The following BRAF variants were observed in gnomAD, a reference collection of about 807,000 sequenced individuals.
The protein encoded by BRAF is serine/threonine-protein kinase B-raf.
In BRAF, 16 loss-of-function variants were observed where a neutral mutation model predicts 104.6. That is an observed-to-expected ratio of 0.15 (90% CI 0.10 to 0.23). The LOEUF is 0.23. BRAF is among the 10% of genes least tolerant of loss of function. The pLI, the probability that BRAF is intolerant of heterozygous loss-of-function variation, is 1.00. For missense variants in BRAF, 541 were observed against 937.3 expected (o/e 0.58, Z 5.52); for synonymous variants, 310 against 341.6 (o/e 0.91, Z 1.02).
chr7:140,719,840 T>G lies in BRAF; in HGVS notation c.*6654A>C. ...GCACGCCCCAGACTCCACGAGAACCTTTTCAATGCTTGAGTGGAACTGAAG... is the reference window on the plus strand; with the variant it reads ...GCACGCCCCAGACTCCACGAGAACCGTTTCAATGCTTGAGTGGAACTGAAG... On this transcript the variant is annotated 3_prime_UTR_variant, in exon 20 of 20. Transcript: ENST00000644969. 1 of 1,062,270 alleles carries G rather than the reference T, an allele frequency of 9.4e-7. No individual in the cohort carries two copies. The highest frequency in any genetic ancestry group is 1.1e-6 in the Non-Finnish European group (1 of 877,368). The allele number at this position is 1,062,270 out of a possible 1,614,324, so 65.8% of individuals were successfully genotyped here. A position where few individuals can be genotyped will look rare whatever the true frequency, so the allele number is the denominator to read the frequency against.
chr7:140,862,675 C>T (rs550303583), intron 1 of BRAF, among the ~76,000 whole-genome samples: 255 of 152,026 alleles, frequency 1.7e-3, no homozygotes, highest in Non-Finnish European at 3.1e-3. Flanking sequence ...ACAATGAAGA[C>T]GGAAAGTAGA....
rs530031713 is a variant in BRAF at position 140,723,820 on chromosome 7, A to G, written c.*2674T>C. On this transcript the variant is annotated 3_prime_UTR_variant, in exon 20 of 20. Coordinates refer to ENST00000644969, the MANE Select transcript of BRAF (RefSeq NM_001374258.1). ...CCACATACTGTCTATACAATTACTC[A>G]TAAAGTGCTTTTCACAAATAAGGAC... is the stretch of plus-strand genomic sequence containing the variant. 3.8e-6 allele frequency: 4 copies of G among 1,046,718 alleles called. No homozygotes were observed. In the East Asian group the frequency reaches 2.2e-4, roughly 59 times the overall value. 64.8% of individuals were successfully genotyped at this position (1,046,718 alleles called of 1,614,324 possible). A position where few individuals can be genotyped will look rare whatever the true frequency, so the allele number is the denominator to read the frequency against.
chr7:140,840,818 G>A (rs375566262), intron 2 of BRAF, among the ~76,000 whole-genome samples: 56 of 150,032 alleles, frequency 3.7e-4, no homozygotes, highest in African/African-American at 1.2e-3. Context: ...AGGCTCAAGC[G>A]ATCCTCCCAT....
intron 1 of BRAF, among the ~76,000 whole-genome samples, chr7:140,874,509 T>C (rs1586495018): frequency 7.0e-6 from 1 of 143,692 alleles, no homozygotes; most frequent in South Asian, 2.3e-4. Context: ...CTAAAAAAAG[T>C]TTACTTTTTA....
chr7:140,721,823 T>C lies in BRAF; in HGVS notation c.*4671A>G, dbSNP rs1341173241. ...CAATGGCCAGGTCATAAAGGATGCC[T>C]TGAGACCTCCACCCTGGCCCCCACA... On this transcript the variant is annotated 3_prime_UTR_variant, in exon 20 of 20. Coordinates refer to ENST00000644969, the MANE Select transcript of BRAF (RefSeq NM_001374258.1). 1 of 1,380,514 alleles carries C rather than the reference T, an allele frequency of 7.2e-7. No individual in the cohort carries two copies. The highest frequency in any genetic ancestry group is 3.1e-5 in the Admixed American group (1 of 32,122). 85.5% of individuals were successfully genotyped at this position (1,380,514 alleles called of 1,614,324 possible).
At chr7:140,839,853 C>T (rs1807745630) in intron 2 of BRAF, among the ~76,000 whole-genome samples, 1 of 152,226 alleles carries the variant, frequency 6.6e-6, no homozygotes, top group South Asian at 2.1e-4. Flanking sequence ...GTGGAACTCT[C>T]ACCCGTCAGG....
chr7:140,826,646 G>T (rs909084287), intron 3 of BRAF, among the ~76,000 whole-genome samples: 3 of 152,116 alleles, frequency 2.0e-5, no homozygotes, highest in Non-Finnish European at 2.9e-5. Flanking sequence ...AACTCTGAGC[G>T]ATATACTTCA....
intron 19 of BRAF, among the ~76,000 whole-genome samples, chr7:140,727,106 C>A (rs957312009): frequency 1.3e-5 from 2 of 151,880 alleles, no homozygotes; most frequent in African/African-American, 4.8e-5. Flanking sequence ...ATAAAGAATT[C>A]TTTAAACCAC....
At chr7:140,897,129 G>A (rs531988083) in intron 1 of BRAF, among the ~76,000 whole-genome samples, 3 of 150,800 alleles carry the variant, frequency 2.0e-5, no homozygotes, top group African/African-American at 4.9e-5. Context: ...TAATGGTCAC[G>A]TGGAAGAGTG....
intron 3 of BRAF, 110 bp downstream of exon 3, chr7:140,834,499 T>C: frequency 7.0e-7 from 1 of 1,438,342 alleles, no homozygotes; most frequent in South Asian, 1.2e-5. Flanking sequence ...CATGGATGCC[T>C]CTATTTGCAT....
In BRAF at chr7:140,828,609, G is replaced by A. The variant is rs566610478; in HGVS notation, c.504+6000C>T. 1.2e-4 allele frequency among the ~76,000 whole-genome samples: 18 copies of A among 152,244 alleles called. No homozygotes were observed. In the South Asian group the frequency reaches 1.2e-3, roughly 11 times the overall value. Reference sequence around the variant, plus strand: ...CTCTCAGAAAAACCTTCAAGTACAAGTCTTTTCACAGGCTGCATTGTACTA... The same window carrying A: ...CTCTCAGAAAAACCTTCAAGTACAAATCTTTTCACAGGCTGCATTGTACTA... On this transcript the variant is annotated intron_variant, in intron 3 of 19. Coordinates refer to ENST00000644969, the MANE Select transcript of BRAF (RefSeq NM_001374258.1).
chr7:140,773,597 A>C (rs1303754706), intron 14 of BRAF, among the ~76,000 whole-genome samples: 34 of 152,208 alleles, frequency 2.2e-4, no homozygotes, highest in Admixed American at 2.2e-3. Context: ...TCCCCTCTCT[A>C]GAGAAGAAAC....
At chr7:140,858,194 A>G (rs1422783972) in intron 1 of BRAF, among the ~76,000 whole-genome samples, 1 of 152,200 alleles carries the variant, frequency 6.6e-6, no homozygotes, top group African/African-American at 2.4e-5. Context: ...CATACCTTCA[A>G]GTGGCTTAGA....
At position 140,725,036 on chromosome 7, in the gene BRAF, G is replaced by A; in HGVS notation, c.*1458C>T. The A allele has an allele frequency of 9.6e-7, 1 of 1,047,080 alleles. No individual in the cohort carries two copies. The highest frequency in any genetic ancestry group is 1.2e-6 in the Non-Finnish European group (1 of 867,834). 64.9% of individuals were successfully genotyped at this position (1,047,080 alleles called of 1,614,324 possible). A position where few individuals can be genotyped will look rare whatever the true frequency, so the allele number is the denominator to read the frequency against. ...GACAGCTTTCCCACACCCTCCCTCA[G>A]TCCTAATATCCCTAAAATTGCTCTA... is the stretch of plus-strand genomic sequence containing the variant. On this transcript the variant is annotated 3_prime_UTR_variant, in exon 20 of 20. Coordinates refer to ENST00000644969, the MANE Select transcript of BRAF (RefSeq NM_001374258.1).
chr7:140,841,365 C>T (rs1807946581), intron 2 of BRAF, among the ~76,000 whole-genome samples: 1 of 152,148 alleles, frequency 6.6e-6, no homozygotes, highest in South Asian at 2.1e-4. Flanking sequence ...AGAGTTACCA[C>T]AAGACCCAGC....
At chr7:140,763,213 C>G (rs1210748913) in intron 14 of BRAF, among the ~76,000 whole-genome samples, 2 of 151,928 alleles carry the variant, frequency 1.3e-5, no homozygotes, top group Non-Finnish European at 2.9e-5. Context: ...ACCTCCCGGA[C>G]GAGGCGGCTG....
At chr7:140,810,953 T>G (rs1015577721) in intron 3 of BRAF, among the ~76,000 whole-genome samples, 10 of 152,218 alleles carry the variant, frequency 6.6e-5, no homozygotes, top group Non-Finnish European at 1.5e-4. Context: ...TGATGATTCT[T>G]CTGTTTAAAA....
intron 3 of BRAF, among the ~76,000 whole-genome samples, chr7:140,830,576 G>A (rs1016679102): frequency 1.3e-5 from 2 of 152,156 alleles, no homozygotes; most frequent in African/African-American, 4.8e-5. Flanking sequence ...GTGAGTTTTG[G>A]TGGGTTCCTG....
intron 19 of BRAF, among the ~76,000 whole-genome samples, chr7:140,729,111 TAGTC>T (rs911686269): frequency 2.0e-5 from 3 of 149,708 alleles, no homozygotes; most frequent in Admixed American, 2.0e-4. Flanking sequence ...CACATGCATG[TAGTC>T]CTAGCTACCT....
Sources: allele counts gnomAD v4.1 joint callset (sites outside exome capture counted in the v4.1 genomes callset), GRCh38; gene constraint gnomAD v4.1.1; transcripts MANE v1.5; gene names NCBI Gene and HGNC (gene_info 2026-07-23, HGNC 2026-07-21).